IGF1R: variants seen among roughly 807,000 people sequenced by gnomAD.
The protein encoded by IGF1R is insulin-like growth factor 1 receptor.
A neutral mutation model predicts 144.6 loss-of-function variants in IGF1R; 44 were observed. The ratio of observed to expected loss-of-function variants is 0.30; its 90% CI spans 0.24 to 0.39. The LOEUF (loss-of-function observed/expected upper bound fraction) is 0.39. Ranked by LOEUF, IGF1R falls within the 10% of genes least tolerant of loss-of-function variation. The pLI, the probability that IGF1R is intolerant of heterozygous loss-of-function variation, is 1.00. For synonymous variants in IGF1R, 795 were observed against 722.8 expected, an observed-to-expected ratio of 1.10 and a Z score of -1.60; for missense variants, 1,355 against 1,833.7, an observed-to-expected ratio of 0.74 and a Z score of 4.77.
Position 98,648,940 on chromosome 15 carries a change from C to T in IGF1R, c.-642C>T. On this transcript the variant is annotated 5_prime_UTR_variant, in exon 1 of 21. Coordinates refer to ENST00000650285, the MANE Select transcript of IGF1R (RefSeq NM_000875.5). ...GCGGGAGTGCTGAGCGCGGCGCGGC[C>T]GGCCCGCCGCTTTGTGTGTGTCCTG... 5.4e-6 allele frequency: 1 copy of T among 185,026 alleles called. No homozygotes were observed. The highest frequency in any genetic ancestry group is 1.8e-4 in the South Asian group (1 of 5,608). 11.5% of individuals were successfully genotyped at this position (185,026 alleles called of 1,614,324 possible). A position where few individuals can be genotyped will look rare whatever the true frequency, so the allele number is the denominator to read the frequency against.
rs577709878 is a variant in IGF1R at position 98,664,835 on chromosome 15, C to T, written c.94+15160C>T. Among the ~76,000 whole-genome samples, 106 of 151,098 alleles carry T rather than the reference C, an allele frequency of 7.0e-4. 2 individuals are homozygous for T. The highest frequency in any genetic ancestry group is 2.2e-4 in the African/African-American group (9 of 41,042). ...ATTGTTGCTAAGGATAGAGGAAATA[C>T]GCATTAGAAGTTATTTACTTCCTTT... On this transcript the variant is annotated intron_variant, in intron 1 of 20. Transcript: ENST00000650285.
chr15:98,684,698 T>A (rs1334893528), intron 1 of IGF1R, among the ~76,000 whole-genome samples: 1 of 152,186 alleles, frequency 6.6e-6, no homozygotes, highest in East Asian at 1.9e-4. Flanking sequence ...TTGCTGTGGA[T>A]GAGAGAGTAG....
chr15:98,708,156 T>G, intron 2 of IGF1R, 49 bp downstream of exon 2: 2 of 1,493,842 alleles, frequency 1.3e-6, no homozygotes, highest in South Asian at 2.3e-5. Flanking sequence ...CTCTCTCCTC[T>G]CCTCCTCCTT....
intron 2 of IGF1R, among the ~76,000 whole-genome samples, chr15:98,729,792 C>G (rs2054455578): frequency 1.3e-5 from 2 of 152,226 alleles, no homozygotes; most frequent in African/African-American, 4.8e-5. Context: ...CATAGAATGC[C>G]CTTGGCACGA....
chr15:98,817,355 G>T (rs560587533), intron 2 of IGF1R, among the ~76,000 whole-genome samples: 7 of 151,760 alleles, frequency 4.6e-5, no homozygotes, highest in Admixed American at 2.0e-4. Flanking sequence ...AGAATACTGG[G>T]GTGGGGATGG....
intron 5 of IGF1R, among the ~76,000 whole-genome samples, chr15:98,906,167 T>C (rs2014721673): frequency 6.6e-6 from 1 of 152,242 alleles, no homozygotes; most frequent in African/African-American, 2.4e-5. Context: ...CATTCATTTG[T>C]CAAATTCCTG....
intron 1 of IGF1R, among the ~76,000 whole-genome samples, chr15:98,663,997 C>A (rs958478430): frequency 1.3e-5 from 2 of 152,242 alleles, no homozygotes; most frequent in African/African-American, 4.8e-5. Context: ...GTGCCACTCT[C>A]TGGGTGCTGC....
intron 3 of IGF1R, among the ~76,000 whole-genome samples, chr15:98,895,050 A>C (rs1411340762): frequency 6.6e-6 from 1 of 150,750 alleles, no homozygotes; most frequent in African/African-American, 2.4e-5. Context: ...GATTGTAGAC[A>C]TGGAAAACAG....
intron 2 of IGF1R, among the ~76,000 whole-genome samples, chr15:98,731,002 A>G (rs746036850): frequency 7.2e-5 from 11 of 152,332 alleles, no homozygotes; most frequent in Non-Finnish European, 1.2e-4. Context: ...CAATAACCCC[A>G]TTAGCTAACT....
chr15:98,675,495 G>A (rs2053012654), intron 1 of IGF1R, among the ~76,000 whole-genome samples: 1 of 152,164 alleles, frequency 6.6e-6, no homozygotes, highest in African/African-American at 2.4e-5. Flanking sequence ...AGCAGTGTCT[G>A]TCATCCATAC....
intron 13 of IGF1R, 147 bp from the exon 14 acceptor site, chr15:98,929,411 C>T: frequency 2.8e-6 from 2 of 713,568 alleles, no homozygotes; most frequent in South Asian, 3.0e-5. Context: ...ATTTCTGACA[C>T]CATTTACCTT....
At chr15:98,665,547 G>C (rs1022726575) in intron 1 of IGF1R, among the ~76,000 whole-genome samples, 1 of 152,184 alleles carries the variant, frequency 6.6e-6, no homozygotes, top group South Asian at 2.1e-4. Flanking sequence ...GCCTGGTCAC[G>C]AGCATGAGGG....
At chr15:98,806,713 G>C (rs150762149) in intron 2 of IGF1R, among the ~76,000 whole-genome samples, 13 of 152,304 alleles carry the variant, frequency 8.5e-5, no homozygotes, top group African/African-American at 3.1e-4. Flanking sequence ...GAGTGGCACT[G>C]TGGCAAGAAA....
Position 98,704,742 on chromosome 15 carries a change from G to T in IGF1R, c.95-2820G>T, listed in dbSNP as rs2053821142. Among the ~76,000 whole-genome samples, 1 of 152,160 alleles carries T rather than the reference G, an allele frequency of 6.6e-6. No homozygotes were observed. On this transcript the variant is annotated intron_variant, in intron 1 of 20. Coordinates refer to ENST00000650285, the MANE Select transcript of IGF1R (RefSeq NM_000875.5). This position sits in a 1 kb window ranked among gnomAD's most constrained non-coding sequence, Gnocchi z 4.9. Reference sequence around the variant, plus strand: ...AAGGGCCAGAGCGGTGTCCTGCAGAGGGTGGTGTACCTTGGGAGGGAAGTG... The same window carrying T: ...AAGGGCCAGAGCGGTGTCCTGCAGATGGTGGTGTACCTTGGGAGGGAAGTG...
chr15:98,908,350 CGTT>C (rs2014833375), intron 5 of IGF1R, among the ~76,000 whole-genome samples: 2 of 152,262 alleles, frequency 1.3e-5, no homozygotes, highest in African/African-American at 4.8e-5. Flanking sequence ...CTTTCAAGCA[CGTT>C]GTACATACTT....
chr15:98,731,381 C>T (rs1256700897), intron 2 of IGF1R, among the ~76,000 whole-genome samples: 1 of 152,198 alleles, frequency 6.6e-6, no homozygotes, highest in Admixed American at 6.5e-5. Flanking sequence ...ATTATTAACC[C>T]CTAAGAATGA....
intron 1 of IGF1R, among the ~76,000 whole-genome samples, chr15:98,699,550 C>A (rs897791660): frequency 6.6e-6 from 1 of 152,304 alleles, no homozygotes; most frequent in African/African-American, 2.4e-5. Context: ...ACGGTTGTTA[C>A]AAATACAGCT....
chr15:98,924,605 C>A lies in IGF1R; in HGVS notation c.2703C>A (p.Tyr901Ter). 6.2e-7 allele frequency: 1 copy of A among 1,614,060 alleles called. No individual in the cohort carries two copies. Among genetic ancestry groups the A allele is most frequent in the Non-Finnish European group, 8.5e-7 (1 of 1,179,886 alleles). The change falls in exon 13 of 21, where the codon TAC (tyrosine) becomes TAA (stop). Residue 901 changes from tyrosine to a stop codon, truncating the protein, a stop_gained. Coordinates refer to ENST00000650285, the MANE Select transcript of IGF1R (RefSeq NM_000875.5). LOFTEE classifies it high-confidence loss of function. ...TAAACCGGCTAAACCCGGGGAACTA[C>A]ACAGCCCGGATTCAGGCCACATCTC... is the stretch of plus-strand genomic sequence containing the variant. Reference protein sequence around the residue: ...AKLNRLNPGNYTARIQATSLS... With the variant: ...AKLNRLNPGN
intron 2 of IGF1R, among the ~76,000 whole-genome samples, chr15:98,790,760 C>A (rs933377632): frequency 2.6e-5 from 4 of 152,218 alleles, no homozygotes; most frequent in African/African-American, 9.6e-5. Flanking sequence ...TACTGTCTTA[C>A]AAAATTTAGT....
Sources: allele counts gnomAD v4.1 joint callset (sites outside exome capture counted in the v4.1 genomes callset), GRCh38; gene constraint gnomAD v4.1.1; non-coding constraint Gnocchi (gnomAD v3.1); transcripts MANE v1.5; gene names NCBI Gene and HGNC (gene_info 2026-07-23, HGNC 2026-07-21).